Variants in EOGT observed in about 807,000 individuals in gnomAD.
EOGT encodes the protein EGF domain-specific O-linked N-acetylglucosamine transferase.
EOGT carries 55 observed loss-of-function variants against 70.5 expected under a neutral mutation model. That is an observed-to-expected ratio of 0.78 (90% CI 0.63 to 0.98). EOGT has a LOEUF of 0.98. Ranked by LOEUF, EOGT falls within the 50% of genes least tolerant of loss-of-function variation. The pLI is 0.00. For synonymous variants in EOGT, 246 were observed against 217.1 expected (o/e 1.13, Z -1.17); for missense variants, 703 against 641.9 (o/e 1.10, Z -1.03).
chr3:68,981,672 T>C (rs775653449), intron 15 of EOGT, among the ~76,000 whole-genome samples: 1 of 152,184 alleles, frequency 6.6e-6, no homozygotes, highest in Non-Finnish European at 1.5e-5. Flanking sequence ...TTTAGTTGTG[T>C]TAAGAGTTTT....
intron 16 of EOGT, among the ~76,000 whole-genome samples, chr3:68,978,929 G>T (rs2090552509): frequency 6.6e-6 from 1 of 151,064 alleles, no homozygotes; most frequent in South Asian, 2.1e-4. Flanking sequence ...CCATTATCTG[G>T]CTATTTCTCT....
At chr3:69,006,034 T>C (rs1323693086) in intron 6 of EOGT, among the ~76,000 whole-genome samples, 1 of 152,192 alleles carries the variant, frequency 6.6e-6, no homozygotes, top group African/African-American at 2.4e-5. Context: ...AATGTGATGA[T>C]ATTGTTTAGA....
chr3:68,982,965 C>G, intron 14 of EOGT, 93 bp from the exon 15 acceptor site: 1 of 688,610 alleles, frequency 1.5e-6, no homozygotes, highest in Non-Finnish European at 2.4e-6. Context: ...TTTGCATATA[C>G]TATTTCAGAT....
At chr3:68,977,990 G>T (rs1325966755) in intron 17 of EOGT, among the ~76,000 whole-genome samples, 1 of 152,204 alleles carries the variant, frequency 6.6e-6, no homozygotes, top group Non-Finnish European at 1.5e-5. Flanking sequence ...AACAACTAGA[G>T]ACAGTGCATA....
Position 68,977,163 on chromosome 3 carries a change from GACA to G in EOGT, c.*452_*454del, listed in dbSNP as rs1345112349. The G allele has an allele frequency of 6.3e-6, 1 of 159,994 alleles. No individual in the cohort carries two copies. The highest frequency in any genetic ancestry group is 1.3e-5 in the Non-Finnish European group (1 of 75,228). The allele number at this position is 159,994 out of a possible 1,614,324, so 9.9% of individuals were successfully genotyped here. A position where few individuals can be genotyped will look rare whatever the true frequency, so the allele number is the denominator to read the frequency against. On this transcript the variant is annotated 3_prime_UTR_variant, in exon 18 of 18. Transcript: ENST00000383701. ...TGACAGAGTGAAACTGTATCTCAAC[GACA>G]ACAACAAAAATTTAGCCAGGTGTGG...
rs1216866702 is a variant in EOGT, at chr3:68,976,714, A to C, written c.*904T>G. 2 of 151,426 alleles carry C rather than the reference A, an allele frequency of 1.3e-5. No homozygotes were observed. The highest frequency in any genetic ancestry group is 4.9e-5 in the African/African-American group (2 of 40,918). 9.4% of individuals were successfully genotyped at this position (151,426 alleles called of 1,614,324 possible). A position where few individuals can be genotyped will look rare whatever the true frequency, so the allele number is the denominator to read the frequency against. ...CTTTCCTACCACAAACAGTGTTATA[A>C]CCAGATTATGGCAAATAAAAGAACA... On this transcript the variant is annotated 3_prime_UTR_variant, in exon 18 of 18. Coordinates refer to ENST00000383701, the MANE Select transcript of EOGT (RefSeq NM_001278689.2).
chr3:68,998,204 G>C, intron 9 of EOGT, 90 bp from the exon 10 acceptor site: 1 of 724,006 alleles, frequency 1.4e-6, no homozygotes, highest in Non-Finnish European at 2.3e-6. Context: ...TACAGTTTAA[G>C]AGAATTTTAG....
intron 15 of EOGT, among the ~76,000 whole-genome samples, chr3:68,980,594 A>G (rs1454916813): frequency 6.6e-6 from 1 of 152,234 alleles, no homozygotes; most frequent in Non-Finnish European, 1.5e-5. Context: ...AAGAAAAATA[A>G]ATGATCAAGA....
At chr3:68,991,884 G>A (rs2091004861) in intron 10 of EOGT, among the ~76,000 whole-genome samples, 1 of 152,180 alleles carries the variant, frequency 6.6e-6, no homozygotes, top group African/African-American at 2.4e-5. Flanking sequence ...TTCTTACATG[G>A]CAGCGGCAAG....
At chr3:68,981,966 G>A (rs183121575) in intron 15 of EOGT, among the ~76,000 whole-genome samples, 1 of 151,984 alleles carries the variant, frequency 6.6e-6, no homozygotes, top group Admixed American at 6.5e-5. Flanking sequence ...GAGTGCAATG[G>A]TGCAATGTCA....
chr3:68,987,505 T>C lies in EOGT; in HGVS notation c.1092A>G (p.Lys364=). The C allele has an allele frequency of 6.2e-7, 1 of 1,613,522 alleles. No individual in the cohort carries two copies. Among genetic ancestry groups the C allele is most frequent in the Non-Finnish European group, 8.5e-7 (1 of 1,179,526 alleles). Residue 364 remains lysine, a synonymous_variant, in exon 14 of 18, where the codon AAA becomes AAG. Coordinates refer to ENST00000383701, the MANE Select transcript of EOGT (RefSeq NM_001278689.2). The part of the protein sequence containing the change: ...NITQEGPKDG[K]IRVTILARST... ...TCCGTGCAAGAATGGTGACTCGAAT[T>C]TTTCCATCCTGTAATCAAAATGAAA... is the stretch of plus-strand genomic sequence containing the variant.
intron 14 of EOGT, among the ~76,000 whole-genome samples, chr3:68,984,784 T>C (rs1436202804): frequency 6.6e-6 from 1 of 152,144 alleles, no homozygotes; most frequent in East Asian, 1.9e-4. Flanking sequence ...ACCAGCACTA[T>C]ACCTTTCTAC....
Position 68,976,707 on chromosome 3 carries a change from T to G in EOGT, c.*911A>C, listed in dbSNP as rs1469573227. 1 of 151,552 alleles carries G rather than the reference T, an allele frequency of 6.6e-6. No homozygotes were observed. Among genetic ancestry groups the G allele is most frequent in the Non-Finnish European group, 1.5e-5 (1 of 67,902 alleles). The allele number at this position is 151,552 out of a possible 1,614,324, so 9.4% of individuals were successfully genotyped here. On this transcript the variant is annotated 3_prime_UTR_variant, in exon 18 of 18. Coordinates refer to ENST00000383701, the MANE Select transcript of EOGT (RefSeq NM_001278689.2). ...TGTTTTCCTTTCCTACCACAAACAG[T>G]GTTATAACCAGATTATGGCAAATAA...
chr3:68,984,598 T>TC (rs2090751585), intron 14 of EOGT, among the ~76,000 whole-genome samples: 1 of 152,146 alleles, frequency 6.6e-6, no homozygotes, highest in Non-Finnish European at 1.5e-5. Context: ...GGTGCTTTCT[T>TC]CCCTTCCCAG....
In EOGT at chr3:68,975,443, T is replaced by C. The variant is rs1575694157; in HGVS notation, c.*2175A>G. The C allele has an allele frequency of 6.6e-6, 1 of 152,634 alleles. No individual in the cohort carries two copies. The highest frequency in any genetic ancestry group is 1.5e-5 in the Non-Finnish European group (1 of 68,016). 9.5% of individuals were successfully genotyped at this position (152,634 alleles called of 1,614,324 possible). A position where few individuals can be genotyped will look rare whatever the true frequency, so the allele number is the denominator to read the frequency against. ...CTCTTCAAATATAGCCGTTTTATTA[T>C]GAAATTGTTCTCAATTTCTGAAATT... On this transcript the variant is annotated 3_prime_UTR_variant, in exon 18 of 18. Transcript: ENST00000383701.
intron 6 of EOGT, among the ~76,000 whole-genome samples, chr3:69,006,554 C>T (rs998921164): frequency 2.6e-5 from 4 of 152,156 alleles, no homozygotes; most frequent in East Asian, 3.9e-4. Context: ...TAATGCTGAG[C>T]CCTTGGCCGG....
chr3:69,009,934 A>C, intron 3 of EOGT, 74 bp from the exon 4 acceptor site: 2 of 377,034 alleles, frequency 5.3e-6, no homozygotes, highest in South Asian at 3.6e-5. Context: ...CAACAACAAC[A>C]AAAAAAAAAA....
At chr3:68,995,726 T>C (rs1394800419) in intron 10 of EOGT, among the ~76,000 whole-genome samples, 1 of 152,234 alleles carries the variant, frequency 6.6e-6, no homozygotes, top group African/African-American at 2.4e-5. Context: ...GATAAAATTC[T>C]GTTTGGCAAC....
At chr3:69,011,193 C>CTTT (rs57904466) in intron 3 of EOGT, among the ~76,000 whole-genome samples, 7 of 113,300 alleles carry the variant, frequency 6.2e-5, no homozygotes, top group Non-Finnish European at 1.2e-4. Flanking sequence ...GATCTTTGTT[C>CTTT]TTTTTTTTTT....
Sources: gnomAD v4.1 joint callset for allele counts (sites outside exome capture counted in the v4.1 genomes callset) on GRCh38, gnomAD v4.1.1 for gene constraint, MANE v1.5 for transcripts, NCBI Gene and HGNC (gene_info 2026-07-23, HGNC 2026-07-21) for gene names.